The following HABP2 variants were observed in gnomAD, a reference collection of about 807,000 sequenced individuals.
HABP2 encodes the protein factor VII-activating protease.
Under a neutral mutation model 66.5 loss-of-function variants are expected in HABP2, and 65 were observed. That is an observed-to-expected ratio of 0.98 (90% CI 0.80 to 1.20). HABP2 has a LOEUF of 1.20. Among genes scored for constraint, HABP2 ranks in the 50% most tolerant of loss-of-function variants. HABP2 has a pLI of 0.00. For missense variants in HABP2, 786 were observed against 691.0 expected (o/e 1.14, Z -1.54); for synonymous variants, 263 against 253.9 (o/e 1.04, Z -0.34).
Position 113,588,464 on chromosome 10 carries a change from GGAC to G in HABP2, c.*96_*98del. The stretch of plus-strand genomic sequence containing the variant: ...AATGGACACCTCCAGAGCCTCCAGG[GGAC>G]CACACAGTAGACTATCCCTACTCTA... On this transcript the variant is annotated 3_prime_UTR_variant, in exon 13 of 13. Transcript: ENST00000351270. The G allele has an allele frequency of 1.1e-6, 1 of 879,982 alleles. No homozygotes were observed. The highest frequency in any genetic ancestry group is 1.7e-6 in the Non-Finnish European group (1 of 576,398). 54.5% of individuals were successfully genotyped at this position (879,982 alleles called of 1,614,324 possible). A position where few individuals can be genotyped will look rare whatever the true frequency, so the allele number is the denominator to read the frequency against.
intron 1 of HABP2, among the ~76,000 whole-genome samples, chr10:113,563,678 T>A (rs1053349221): frequency 5.9e-5 from 9 of 152,192 alleles, no homozygotes; most frequent in African/African-American, 9.6e-5. Flanking sequence ...CGGCTGTCCC[T>A]CAGGCTCCAG....
At chr10:113,567,123 A>G (rs1845212121) in intron 1 of HABP2, among the ~76,000 whole-genome samples, 1 of 152,296 alleles carries the variant, frequency 6.6e-6, no homozygotes. Context: ...TAGGGCTGTT[A>G]TAAGTATGAA....
At chr10:113,586,927 T>TCC (rs1845648431) in intron 12 of HABP2, among the ~76,000 whole-genome samples, 1 of 152,200 alleles carries the variant, frequency 6.6e-6, no homozygotes, top group South Asian at 2.1e-4. Flanking sequence ...ATCTGTCTCT[T>TCC]CCCAGTGAGC....
Position 113,578,664 on chromosome 10 carries a change from C to T in HABP2, c.606C>T (p.Tyr202=), listed in dbSNP as rs755052978. Residue 202 remains tyrosine (Y), a synonymous_variant, in exon 7 of 13, where the codon TAC becomes TAT. Transcript: ENST00000351270. ...GCTATGTTGGCGATGGCTACTCTTA[C>T]CGAGGGAAAATGAATAGGACAGTCA... The part of the protein sequence containing the change: ...DDCYVGDGYS[Y]RGKMNRTVNQ... The T allele has an allele frequency of 5.0e-6, 8 of 1,612,954 alleles. No individual in the cohort carries two copies. Among genetic ancestry groups the T allele is most frequent in the Admixed American group, 1.7e-5 (1 of 59,990 alleles).
At chr10:113,558,649 G>A (rs1052743635) in intron 1 of HABP2, among the ~76,000 whole-genome samples, 2 of 152,162 alleles carry the variant, frequency 1.3e-5, no homozygotes, top group South Asian at 2.1e-4. Flanking sequence ...TCAGATACCC[G>A]CAGTGGCTCA....
intron 1 of HABP2, among the ~76,000 whole-genome samples, chr10:113,565,323 T>C (rs923650173): frequency 1.1e-4 from 17 of 152,212 alleles, no homozygotes; most frequent in African/African-American, 4.1e-4. Context: ...CTGGGTGATG[T>C]ATTTTTTTTA....
chr10:113,567,577 G>A lies in HABP2; in HGVS notation c.106+52G>A, dbSNP rs767370400. ...TCCCACCAATCCCAGGCTGGTTCTG[G>A]GCTGGTGAAAAGGAGGCCTAAGTAT... On this transcript the variant is annotated intron_variant, in intron 2 of 12. Coordinates refer to ENST00000351270, the MANE Select transcript of HABP2 (RefSeq NM_004132.5). 1.4e-6 allele frequency: 2 copies of A among 1,419,118 alleles called. 1 individual carries two copies. Among genetic ancestry groups the A allele is most frequent in the South Asian group, 2.3e-5 (2 of 86,658 alleles). The allele number at this position is 1,419,118 out of a possible 1,614,324, so 87.9% of individuals were successfully genotyped here. A position where few individuals can be genotyped will look rare whatever the true frequency, so the allele number is the denominator to read the frequency against.
chr10:113,568,933 G>A (rs1845252323), intron 2 of HABP2, among the ~76,000 whole-genome samples: 1 of 152,230 alleles, frequency 6.6e-6, no homozygotes. Flanking sequence ...ATTGTGCAGT[G>A]AACAACTTGA....
At chr10:113,569,537 G>A (rs182004362) in intron 2 of HABP2, 14 of 152,494 alleles carry the variant, frequency 9.2e-5, no homozygotes, top group South Asian at 2.1e-4. Flanking sequence ...TGGAGACAGC[G>A]CACGGTGAGG....
intron 12 of HABP2, 139 bp downstream of exon 12, chr10:113,586,077 C>G: frequency 1.4e-6 from 1 of 725,974 alleles, no homozygotes; most frequent in East Asian, 2.6e-5. Context: ...TGAGCTGTGT[C>G]TGCCCCCTGG....
Position 113,577,174 on chromosome 10 carries a change from C to A in HABP2, c.356C>A (p.Pro119Gln). The A allele has an allele frequency of 6.2e-7, 1 of 1,610,014 alleles. No homozygotes were observed. Among genetic ancestry groups the A allele is most frequent in the Non-Finnish European group, 8.5e-7 (1 of 1,176,280 alleles). ...GTGCAAAATACGTGCAAGGACAACC[C>A]ATGTGGCCGGGGCCAATGTCTCATT... ...QKVQNTCKDN[P>Q]CGRGQCLITQ... The change falls in exon 5 of 13, where the codon CCA becomes CAA. Residue 119 changes from proline to glutamine, a missense_variant. By Grantham distance (76) the Pro-to-Gln change is moderately conservative (BLOSUM62 -1). Coordinates refer to ENST00000351270, the MANE Select transcript of HABP2 (RefSeq NM_004132.5).
intron 1 of HABP2, among the ~76,000 whole-genome samples, chr10:113,561,912 T>A (rs1399148678): frequency 6.6e-6 from 1 of 152,204 alleles, no homozygotes; most frequent in Non-Finnish European, 1.5e-5. Context: ...GAGATTACAC[T>A]GTAAATCAGT....
intron 1 of HABP2, among the ~76,000 whole-genome samples, chr10:113,562,012 G>A (rs1401949677): frequency 6.6e-6 from 1 of 152,142 alleles, no homozygotes; most frequent in East Asian, 1.9e-4. Flanking sequence ...GACTCTGGTG[G>A]CTTAGGGAGT....
intron 2 of HABP2, chr10:113,569,649 G>T (rs1018517228): frequency 1.3e-5 from 2 of 152,404 alleles, no homozygotes; most frequent in African/African-American, 2.4e-5. Flanking sequence ...CAAAGCAGGT[G>T]CCACGACAGC....
intron 1 of HABP2, among the ~76,000 whole-genome samples, chr10:113,558,184 C>T (rs949143255): frequency 2.6e-5 from 4 of 152,206 alleles, no homozygotes; most frequent in Non-Finnish European, 4.4e-5. Context: ...CTTTGCTTTC[C>T]GACACCACAA....
At chr10:113,580,496 G>A (rs1398002034) in intron 7 of HABP2, 99 bp from the exon 8 acceptor site, 1 of 706,632 alleles carries the variant, frequency 1.4e-6, no homozygotes, top group Non-Finnish European at 2.6e-6. Context: ...GTCCCAGGGG[G>A]AGCACAAGAG....
At chr10:113,567,681 G>A (rs1027548786) in intron 2 of HABP2, among the ~76,000 whole-genome samples, 156 bp downstream of exon 2, 33 of 152,200 alleles carry the variant, frequency 2.2e-4, no homozygotes, top group African/African-American at 8.0e-4. Flanking sequence ...CTCAAAATTT[G>A]TGCACCCACA....
intron 2 of HABP2, among the ~76,000 whole-genome samples, chr10:113,567,900 T>C (rs1307593119): frequency 6.6e-6 from 1 of 152,218 alleles, no homozygotes; most frequent in Non-Finnish European, 1.5e-5. Context: ...GAAAAATGCA[T>C]GGCTCCAGGC....
At position 113,573,249 on chromosome 10, in the gene HABP2, G is replaced by A. The variant is rs11575739; in HGVS notation, c.107-1040G>A. Among the ~76,000 whole-genome samples, 629 of 152,242 alleles carry A rather than the reference G, an allele frequency of 4.1e-3. 4 individuals carry two copies. Among genetic ancestry groups the A allele is most frequent in the African/African-American group, 0.013 (550 of 41,546 alleles). ...GCCACAGAGCTACCAGGATCTCCCCGCCAAGGCCCCAGAGAGCAAAGAGCT... is the reference window on the plus strand; with the variant it reads ...GCCACAGAGCTACCAGGATCTCCCCACCAAGGCCCCAGAGAGCAAAGAGCT... On this transcript the variant is annotated intron_variant, in intron 2 of 12. Coordinates refer to ENST00000351270, the MANE Select transcript of HABP2 (RefSeq NM_004132.5).
Sources: gnomAD v4.1 joint callset for allele counts (sites outside exome capture counted in the v4.1 genomes callset) on GRCh38, gnomAD v4.1.1 for gene constraint, MANE v1.5 for transcripts, NCBI Gene and HGNC (gene_info 2026-07-23, HGNC 2026-07-21) for gene names.